Variants in NPC1L1 observed in about 807,000 individuals in gnomAD.
NPC1L1 encodes the protein NPC1 like intracellular cholesterol transporter 1.
In NPC1L1, 98 loss-of-function variants were observed where a neutral mutation model predicts 117.0. That is an observed-to-expected ratio of 0.84 (90% CI 0.71 to 0.99). The LOEUF (loss-of-function observed/expected upper bound fraction) is 0.99, where lower values mean the gene tolerates loss of function less well. Among genes scored for constraint, NPC1L1 ranks in the 50% least tolerant of loss-of-function variants. The pLI is 0.00. For missense variants in NPC1L1, 1,540 were observed against 1,710.0 expected (o/e 0.90, Z 1.75); for synonymous variants, 729 against 727.6 (o/e 1.00, Z -0.03).
At chr7:44,517,069 G>T in intron 15 of NPC1L1, 135 bp from the exon 16 acceptor site, 1 of 1,435,804 alleles carries the variant, frequency 7.0e-7, no homozygotes, top group Non-Finnish European at 9.8e-7. Flanking sequence ...TAAGAAATAG[G>T]CCCAAGGCTG....
At chr7:44,533,902 C>G (rs1335369381) in intron 6 of NPC1L1, 49 bp from the exon 7 acceptor site, 1 of 1,497,666 alleles carries the variant, frequency 6.7e-7, no homozygotes, top group Admixed American at 1.9e-5. Context: ...AAGGGCACCG[C>G]CCCTCAAAGG....
chr7:44,519,924 C>G (rs1585130219), intron 14 of NPC1L1, among the ~76,000 whole-genome samples: 1 of 151,964 alleles, frequency 6.6e-6, no homozygotes, highest in African/African-American at 2.4e-5. Flanking sequence ...TCCCGCCCAG[C>G]CTTCTGAATA....
Position 44,539,584 on chromosome 7 carries a change from G to A in NPC1L1, c.813C>T (p.Ala271=), listed in dbSNP as rs753184234. 6.2e-7 allele frequency: 1 copy of A among 1,614,046 alleles called. No individual in the cohort carries two copies. The highest frequency in any genetic ancestry group is 1.1e-5 in the South Asian group (1 of 91,088). The change falls in exon 2 of 19, where the codon GCC becomes GCT. Residue 271 remains alanine (A), a synonymous_variant. Coordinates refer to ENST00000381160, the MANE Select transcript of NPC1L1 (RefSeq NM_001101648.2). The surrounding 1 kb of genome is among the most constrained non-coding windows in gnomAD (Gnocchi z 4.4). ...GGCCCAGGTAGAAGGTGGAGTCGAG[G>A]GCCTGGGGGCGGGCTATGGCAGGAC... ...ASCPAIARPQ[A]LDSTFYLGQM... is the part of the protein sequence containing the mutation.
At chr7:44,532,569 G>A (rs1363332946) in intron 8 of NPC1L1, among the ~76,000 whole-genome samples, 1 of 152,068 alleles carries the variant, frequency 6.6e-6, no homozygotes, top group Non-Finnish European at 1.5e-5. Context: ...CTCTTCCTCA[G>A]CCTACTCAAC....
At chr7:44,532,047 C>T (rs1474662232) in intron 9 of NPC1L1, 33 bp downstream of exon 9, 2 of 1,614,062 alleles carry the variant, frequency 1.2e-6, no homozygotes, top group South Asian at 1.1e-5. Context: ...CCACCTAGTG[C>T]CCCTGCTCTC....
intron 18 of NPC1L1, among the ~76,000 whole-genome samples, chr7:44,514,467 C>T (rs1296096028): frequency 1.3e-5 from 2 of 151,914 alleles, no homozygotes; most frequent in East Asian, 1.9e-4. Flanking sequence ...CACAGGAGTT[C>T]GAGACCAGCC....
chr7:44,540,956 G>C (rs1802083739), intron 1 of NPC1L1, among the ~76,000 whole-genome samples: 1 of 152,046 alleles, frequency 6.6e-6, no homozygotes, highest in Non-Finnish European at 1.5e-5. Flanking sequence ...AGTGACAGGA[G>C]GGACTTGGAG....
At chr7:44,523,764 G>A (rs1261779449) in intron 10 of NPC1L1, among the ~76,000 whole-genome samples, 5 of 152,216 alleles carry the variant, frequency 3.3e-5, no homozygotes, top group Admixed American at 3.3e-4. Context: ...CTACTCAGGA[G>A]GCTGAAATAG....
chr7:44,538,813 T>A lies in NPC1L1; in HGVS notation c.1580+4A>T, dbSNP rs775938126. The A allele has an allele frequency of 1.2e-5, 19 of 1,613,888 alleles. No individual in the cohort carries two copies. The highest frequency in any genetic ancestry group is 1.5e-5 in the Non-Finnish European group (18 of 1,179,978). ...TCCTCGCTTGGGCCCCACCATGGAC[T>A]CACTTGGCACAGTACAGAAAATGGT... On this transcript the variant is annotated splice_donor_region_variant and intron_variant, in intron 2 of 18. Transcript: ENST00000381160. This position sits in a 1 kb window ranked among gnomAD's most constrained non-coding sequence, Gnocchi z 5.9.
At chr7:44,521,602 C>A (rs753344461) in intron 12 of NPC1L1, 110 bp downstream of exon 12, 101 of 1,558,700 alleles carry the variant, frequency 6.5e-5, no homozygotes, top group Non-Finnish European at 8.7e-5. Flanking sequence ...CCGACAGACC[C>A]TGCAGGATGC....
At position 44,539,800 on chromosome 7, in the gene NPC1L1, G is replaced by T; in HGVS notation, c.597C>A (p.Ala199=). Residue 199 remains alanine (A), a synonymous_variant, in exon 2 of 19, where the codon GCC becomes GCA. Transcript: ENST00000381160. This position sits in a 1 kb window ranked among gnomAD's most constrained non-coding sequence, Gnocchi z 4.4. Reference sequence around the variant, plus strand: ...CTCCCTGGAAGTTGAGCCAGCGCTGGGCATTGCAAAGGGCAGAGCCATACA... The same window carrying T: ...CTCCCTGGAAGTTGAGCCAGCGCTGTGCATTGCAAAGGGCAGAGCCATACA... ...CGVYGSALCN[A]QRWLNFQGDT... The T allele has an allele frequency of 6.2e-7, 1 of 1,614,150 alleles. No individual in the cohort carries two copies. Among genetic ancestry groups the T allele is most frequent in the Non-Finnish European group, 8.5e-7 (1 of 1,180,040 alleles).
rs759431956 is a variant in NPC1L1, at chr7:44,533,532, G to A, written c.2308C>T (p.Arg770Trp). The A allele has an allele frequency of 9.3e-6, 15 of 1,614,216 alleles. No individual in the cohort carries two copies. The highest frequency in any genetic ancestry group is 5.3e-5 in the African/African-American group (4 of 75,064). Reference sequence around the variant, plus strand: ...AGGCCAGAGGTCAGGGCAAAGGTCCGCACAGCTGGCATGGGGGTCAGGGCC... The same window carrying A: ...AGGCCAGAGGTCAGGGCAAAGGTCCACACAGCTGGCATGGGGGTCAGGGCC... ...LGALTPMPAV[R>W]TFALTSGLAV... Residue 770 changes from arginine (R) to tryptophan (W), a missense_variant, in exon 8 of 19, where the codon CGG becomes TGG. This residue lies in a region of NPC1L1 where 742 missense variants were observed against 873.6 expected (regional missense o/e 0.85). Transcript: ENST00000381160.
In NPC1L1 at chr7:44,536,357, G is replaced by A. The variant is rs377514672; in HGVS notation, c.1753C>T (p.Arg585Cys). The A allele has an allele frequency of 6.8e-6, 11 of 1,614,066 alleles. No homozygotes were observed. The highest frequency in any genetic ancestry group is 4.0e-5 in the African/African-American group (3 of 74,942). ...TCCCACAGCTTGGCCTGGGCCAGAC[G>A]GGGGTCCCCGGCAGGGTAATTGTTG... ...SLNNYPAGDP[R>C]LAQAKLWEEA... The change falls in exon 4 of 19, where the codon CGT (arginine) becomes TGT (cysteine). Residue 585 changes from arginine to cysteine, a missense_variant. Transcript: ENST00000381160. This position sits in a 1 kb window ranked among gnomAD's most constrained non-coding sequence, Gnocchi z 4.7.
intron 10 of NPC1L1, among the ~76,000 whole-genome samples, chr7:44,523,504 C>A (rs1484221712): frequency 2.6e-5 from 4 of 152,206 alleles, no homozygotes; most frequent in African/African-American, 9.7e-5. Context: ...TCAAGGCATG[C>A]AGCTGTGTAT....
At chr7:44,540,797 G>A (rs536890258) in intron 1 of NPC1L1, among the ~76,000 whole-genome samples, 3 of 151,928 alleles carry the variant, frequency 2.0e-5, no homozygotes, top group Admixed American at 1.3e-4. Context: ...CAAAGTAAGC[G>A]AGGAACTTAA....
rs140093298 is a variant in NPC1L1, at chr7:44,531,821, G to C, written c.2571C>G (p.Phe857Leu). Residue 857 changes from phenylalanine (F) to leucine (L), a missense_variant, in exon 10 of 19, where the codon TTC (phenylalanine) becomes TTG (leucine). Physicochemically the swap from Phe to Leu is conservative, Grantham distance 22. Around this residue, in one of 3 missense-constraint regions of NPC1L1, gnomAD observed 742 missense variants for 873.6 expected, o/e 0.85. Coordinates refer to ENST00000381160, the MANE Select transcript of NPC1L1 (RefSeq NM_001101648.2). Reference protein sequence around the residue: ...GVVLLLFLALFGVSLYSMCHI... With the variant: ...GVVLLLFLALLGVSLYSMCHI... Reference sequence around the variant, plus strand: ...GGCACATGGAGTAGAGGCTCACTCCGAACAGGGCGAGAAACAGCAGCAGCT... The same window carrying C: ...GGCACATGGAGTAGAGGCTCACTCCCAACAGGGCGAGAAACAGCAGCAGCT... The C allele has an allele frequency of 1.4e-5, 22 of 1,587,074 alleles. No homozygotes were observed. The African/African-American group carries it at 1.6e-4, about 12-fold the overall frequency.
rs147415242 is a variant in NPC1L1 at position 44,539,136 on chromosome 7, T to C, written c.1261A>G (p.Arg421Gly). 79 of 1,614,120 alleles carry C rather than the reference T, an allele frequency of 4.9e-5. No individual in the cohort carries two copies. In the African/African-American group the frequency reaches 9.6e-4, roughly 20 times the overall value. Residue 421 changes from arginine to glycine, a missense_variant, in exon 2 of 19, where the codon AGG (arginine) becomes GGG (glycine). Arg to Gly is a moderately radical substitution (Grantham distance 125). Around this residue, in one of 3 missense-constraint regions of NPC1L1, gnomAD observed 793 missense variants for 820.4 expected, o/e 0.97. Coordinates refer to ENST00000381160, the MANE Select transcript of NPC1L1 (RefSeq NM_001101648.2). The surrounding 1 kb of genome is among the most constrained non-coding windows in gnomAD (Gnocchi z 4.4). ...GGCCCCAGCAGCAGAGAGTCATACC[T>C]GTAGCTGGACCGGTTAGGAGCCGTC... The part of the protein sequence containing the change: ...ILTAPNRSSY[R>G]YDSLLLGPKN...
chr7:44,534,751 T>G lies in NPC1L1; in HGVS notation c.1984-122A>C. On this transcript the variant is annotated intron_variant, in intron 5 of 18. Coordinates refer to ENST00000381160, the MANE Select transcript of NPC1L1 (RefSeq NM_001101648.2). This position sits in a 1 kb window ranked among gnomAD's most constrained non-coding sequence, Gnocchi z 5.2. ...CTCAGTGCCTGCAGGTGCCCGATAC[T>G]GCCCCCAGTGGTGAGGAGCTCACAT... The G allele has an allele frequency of 1.1e-6, 1 of 944,848 alleles. No individual in the cohort carries two copies. Among genetic ancestry groups the G allele is most frequent in the Non-Finnish European group, 1.6e-6 (1 of 615,670 alleles). 58.5% of individuals were successfully genotyped at this position (944,848 alleles called of 1,614,324 possible).
chr7:44,514,296 A>G (rs1801121399), intron 18 of NPC1L1, among the ~76,000 whole-genome samples: 2 of 152,144 alleles, frequency 1.3e-5, no homozygotes, highest in Non-Finnish European at 2.9e-5. Flanking sequence ...GGGAGGCTCA[A>G]TTTGAGCTTC....
Sources: gnomAD v4.1 joint callset for allele counts (sites outside exome capture counted in the v4.1 genomes callset) on GRCh38, gnomAD v4.1.1 for gene constraint, gnomAD v4.1.1 regional missense constraint, Gnocchi (gnomAD v3.1) non-coding constraint, MANE v1.5 for transcripts, NCBI Gene and HGNC (gene_info 2026-07-23, HGNC 2026-07-21) for gene names.